Variants in ARID1B observed in about 807,000 individuals in gnomAD.
The protein encoded by ARID1B is AT-rich interaction domain 1B.
In ARID1B, 30 loss-of-function variants were observed where a neutral mutation model predicts 212.3. The observed-to-expected ratio is 0.14, with a 90% CI of 0.11 to 0.19. ARID1B has a LOEUF of 0.19. Among genes scored for constraint, ARID1B ranks in the 10% least tolerant of loss-of-function variants. ARID1B has a pLI of 1.00. For synonymous variants in ARID1B, 1,402 were observed against 1,301.7 expected (o/e 1.08, Z -1.66); for missense variants, 2,891 against 3,204.0 (o/e 0.90, Z 2.36).
chr6:156,924,886 A>G (rs1467987365), intron 3 of ARID1B, among the ~76,000 whole-genome samples: 2 of 152,216 alleles, frequency 1.3e-5, no homozygotes, highest in Non-Finnish European at 2.9e-5. Context: ...ATTAAAATAC[A>G]TTCATTATTA....
chr6:156,893,045 C>CTTTTTTGTTTTTTTTTTTTTT (rs1554263983), intron 2 of ARID1B, among the ~76,000 whole-genome samples: 1 of 85,922 alleles, frequency 1.2e-5, no homozygotes, highest in African/African-American at 4.7e-5. Context: ...TTTTTTCTTC[C>CTTTTTTGTTTTTTTTTTTTTT]TTTTTTTTTT....
intron 4 of ARID1B, among the ~76,000 whole-genome samples, chr6:156,974,025 T>C (rs765969556): frequency 2.6e-5 from 4 of 152,224 alleles, no homozygotes; most frequent in Non-Finnish European, 2.9e-5. Flanking sequence ...CTTGAAAACA[T>C]TATTCATTCA....
chr6:156,780,030 C>T (rs1252551408), intron 1 of ARID1B, among the ~76,000 whole-genome samples: 1 of 152,126 alleles, frequency 6.6e-6, no homozygotes, highest in Non-Finnish European at 1.5e-5. Flanking sequence ...GTTTTTCCTA[C>T]TTAGGGAGAG....
intron 4 of ARID1B, among the ~76,000 whole-genome samples, chr6:156,965,012 AC>A (rs894029304): frequency 1.3e-5 from 2 of 152,252 alleles, no homozygotes; most frequent in African/African-American, 4.8e-5. Flanking sequence ...AGACTTAATT[AC>A]CTTTCAAATG....
At chr6:156,808,068 A>G (rs1416283073) in intron 1 of ARID1B, among the ~76,000 whole-genome samples, 2 of 152,222 alleles carry the variant, frequency 1.3e-5, no homozygotes, top group East Asian at 3.8e-4. Context: ...AAGCCGTGTT[A>G]CTGTTGAGGC....
intron 1 of ARID1B, among the ~76,000 whole-genome samples, chr6:156,817,960 A>G (rs1782083328): frequency 1.3e-5 from 2 of 152,170 alleles, no homozygotes; most frequent in Admixed American, 1.3e-4. Context: ...CTGTCAGGAA[A>G]CTTAGATTTG....
At chr6:156,801,518 T>G (rs950100760) in intron 1 of ARID1B, among the ~76,000 whole-genome samples, 3 of 152,142 alleles carry the variant, frequency 2.0e-5, no homozygotes, top group Non-Finnish European at 4.4e-5. Context: ...TTTTTGAAAC[T>G]ATCTTTGATA....
chr6:157,054,223 CA>C (rs71645383), intron 4 of ARID1B, among the ~76,000 whole-genome samples: 27 of 144,712 alleles, frequency 1.9e-4, no homozygotes, highest in Non-Finnish European at 3.8e-4. Flanking sequence ...GACTCTGTCT[CA>C]AAAAAAAGAA....
chr6:157,010,269 G>C (rs556862654), intron 4 of ARID1B, among the ~76,000 whole-genome samples: 1 of 127,062 alleles, frequency 7.9e-6, no homozygotes, highest in African/African-American at 3.0e-5. Context: ...TAACATTTAT[G>C]CATTGCCTGT....
At chr6:157,053,103 AG>A in intron 4 of ARID1B, among the ~76,000 whole-genome samples, 1 of 150,162 alleles carries the variant, frequency 6.7e-6, no homozygotes, top group Non-Finnish European at 1.5e-5. Context: ...TGATTGATTT[AG>A]GGACGGAGTC....
At chr6:157,119,901 G>T (rs1305433796) in intron 6 of ARID1B, among the ~76,000 whole-genome samples, 1 of 152,182 alleles carries the variant, frequency 6.6e-6, no homozygotes, top group Non-Finnish European at 1.5e-5. Flanking sequence ...GGAATCAGAA[G>T]ATCTGGGTTT....
chr6:156,966,770 G>C (rs150130416), intron 4 of ARID1B, among the ~76,000 whole-genome samples: 9 of 152,154 alleles, frequency 5.9e-5, no homozygotes, highest in Non-Finnish European at 1.2e-4. Context: ...GCGCGATCTC[G>C]GCTCACTGCA....
At position 156,830,976 on chromosome 6, in the gene ARID1B, G is replaced by A. The variant is rs185746561; in HGVS notation, c.1986+1555G>A. On this transcript the variant is annotated intron_variant, in intron 2 of 19. Coordinates refer to ENST00000636930, the MANE Select transcript of ARID1B (RefSeq NM_001374828.1). ...TCAATTATTGAAGGTTACCCACTCC[G>A]AATTCTAGCAGTCAGTTGCATACTT... 9.2e-5 allele frequency among the ~76,000 whole-genome samples: 14 copies of A among 152,210 alleles called. No individual in the cohort carries two copies. In the East Asian group the frequency reaches 2.1e-3, roughly 23 times the overall value.
chr6:157,038,828 A>G (rs1189150674), intron 4 of ARID1B, among the ~76,000 whole-genome samples: 2 of 152,138 alleles, frequency 1.3e-5, no homozygotes, highest in Non-Finnish European at 2.9e-5. Context: ...TGTAGCCAGC[A>G]GCTCTCATAG....
At position 156,778,846 on chromosome 6, in the gene ARID1B, CG is replaced by C; in HGVS notation, c.1169del (p.Gly390AlafsTer62). Reference protein sequence around the residue: ...NHYPGYSRPGAGGGGGGGGGG... With the variant: ...NHYPGYSRPGXGGGGGGGGGG... ...TATCCGGGCTACAGCCGGCCCGGCG[CG>C]GGCGGCGGCGGCGGCGGCGGCGGCG... On this transcript the variant is annotated frameshift_variant, in exon 1 of 20. Transcript: ENST00000636930. LOFTEE classifies it high-confidence loss of function. 1.4e-6 allele frequency: 2 copies of C among 1,406,470 alleles called. No individual in the cohort carries two copies. Among genetic ancestry groups the C allele is most frequent in the Non-Finnish European group, 1.9e-6 (2 of 1,077,496 alleles). 87.1% of individuals were successfully genotyped at this position (1,406,470 alleles called of 1,614,324 possible). A position where few individuals can be genotyped will look rare whatever the true frequency, so the allele number is the denominator to read the frequency against.
At chr6:157,130,488 G>C (rs1023690660) in intron 6 of ARID1B, among the ~76,000 whole-genome samples, 3 of 152,102 alleles carry the variant, frequency 2.0e-5, no homozygotes, top group Admixed American at 1.3e-4. Context: ...ATTTCTGTTT[G>C]TTTTCAGATT....
intron 4 of ARID1B, among the ~76,000 whole-genome samples, chr6:157,047,715 C>T (rs767764432): frequency 5.9e-5 from 9 of 152,154 alleles, no homozygotes; most frequent in Admixed American, 2.0e-4. Context: ...TGGAAGCAAG[C>T]TTATTTACTT....
At chr6:157,101,775 G>C (rs1219369804) in intron 5 of ARID1B, among the ~76,000 whole-genome samples, 1 of 152,082 alleles carries the variant, frequency 6.6e-6, no homozygotes, top group Non-Finnish European at 1.5e-5. Flanking sequence ...CCCAGAGTCA[G>C]CTAACGTAGG....
chr6:156,881,677 A>G (rs373743476), intron 2 of ARID1B, among the ~76,000 whole-genome samples: 25 of 152,298 alleles, frequency 1.6e-4, no homozygotes, highest in African/African-American at 5.1e-4. Flanking sequence ...TCCTGTCCCC[A>G]TTGTGGGGAA....
Sources: gnomAD v4.1 joint callset for allele counts (sites outside exome capture counted in the v4.1 genomes callset) on GRCh38, gnomAD v4.1.1 for gene constraint, MANE v1.5 for transcripts, NCBI Gene and HGNC (gene_info 2026-07-23, HGNC 2026-07-21) for gene names.